Variants in PLEKHA5 observed in about 807,000 individuals in gnomAD.
PLEKHA5 encodes the protein pleckstrin homology domain-containing family A member 5.
Under a neutral mutation model 181.9 loss-of-function variants are expected in PLEKHA5, and 55 were observed. That is an observed-to-expected ratio of 0.30 (90% confidence interval 0.24 to 0.38). The LOEUF (loss-of-function observed/expected upper bound fraction) is 0.38, where lower values mean the gene tolerates loss of function less well. Ranked by LOEUF, PLEKHA5 falls within the 10% of genes least tolerant of loss-of-function variation. PLEKHA5 has a pLI of 1.00. For synonymous variants in PLEKHA5, 535 were observed against 529.4 expected, an observed-to-expected ratio of 1.01 and a Z score of -0.15; for missense variants, 1,432 against 1,549.5, an observed-to-expected ratio of 0.92 and a Z score of 1.27.
At chr12:19,305,230 T>C (rs2082872302) in intron 15 of PLEKHA5, among the ~76,000 whole-genome samples, 1 of 152,138 alleles carries the variant, frequency 6.6e-6, no homozygotes, top group South Asian at 2.1e-4. Context: ...TGTAATTACA[T>C]ATAATTCAGT....
chr12:19,277,851 C>G (rs1294077463), intron 11 of PLEKHA5, among the ~76,000 whole-genome samples: 1 of 152,172 alleles, frequency 6.6e-6, no homozygotes, highest in Non-Finnish European at 1.5e-5. Flanking sequence ...AAGTTTCATT[C>G]TGAGTGGCAG....
At chr12:19,363,114 C>CT (rs1269500204) in intron 29 of PLEKHA5, among the ~76,000 whole-genome samples, 6 of 91,368 alleles carry the variant, frequency 6.6e-5, no homozygotes, top group Non-Finnish European at 1.3e-4. Flanking sequence ...AGCTATATTT[C>CT]TTTTTTTGTT....
At chr12:19,334,417 A>T (rs2093151902) in intron 20 of PLEKHA5, among the ~76,000 whole-genome samples, 1 of 152,196 alleles carries the variant, frequency 6.6e-6, no homozygotes, top group Admixed American at 6.5e-5. Context: ...AAAGAGAAGG[A>T]TTCCTACCAT....
chr12:19,204,301 C>G (rs1411041823), intron 3 of PLEKHA5, among the ~76,000 whole-genome samples: 1 of 152,090 alleles, frequency 6.6e-6, no homozygotes, highest in Non-Finnish European at 1.5e-5. Context: ...CAGTGACTTG[C>G]TGTCGTGAGC....
chr12:19,316,451 C>T (rs1208840613), intron 16 of PLEKHA5, among the ~76,000 whole-genome samples: 1 of 152,004 alleles, frequency 6.6e-6, no homozygotes, highest in Non-Finnish European at 1.5e-5. Context: ...GTGAAGATGT[C>T]TGAGACTGGC....
intron 3 of PLEKHA5, among the ~76,000 whole-genome samples, chr12:19,198,514 G>A (rs973815829): frequency 1.6e-4 from 24 of 152,116 alleles, no homozygotes; most frequent in African/African-American, 5.6e-4. Context: ...ACTATCTCAT[G>A]TAGTCTTTTG....
chr12:19,207,932 AT>A (rs1592067259), intron 3 of PLEKHA5, among the ~76,000 whole-genome samples: 2 of 152,344 alleles, frequency 1.3e-5, no homozygotes, highest in East Asian at 1.9e-4. Context: ...TTAAAATGGC[AT>A]TTTTGAAAGC....
chr12:19,247,526 A>G (rs931772876), intron 3 of PLEKHA5, among the ~76,000 whole-genome samples: 9 of 152,212 alleles, frequency 5.9e-5, no homozygotes, highest in Admixed American at 5.9e-4. Context: ...ATGGAAATAT[A>G]TATACCATTT....
chr12:19,317,210 T>C (rs997721738), intron 16 of PLEKHA5, among the ~76,000 whole-genome samples: 3 of 151,982 alleles, frequency 2.0e-5, no homozygotes, highest in Non-Finnish European at 4.4e-5. Flanking sequence ...CTGCAAAATA[T>C]AAAAAAATTA....
intron 31 of PLEKHA5, among the ~76,000 whole-genome samples, chr12:19,374,143 C>T (rs935444778): frequency 1.3e-5 from 2 of 151,948 alleles, no homozygotes; most frequent in Admixed American, 1.3e-4. Flanking sequence ...AATGACACTA[C>T]GATGTAGGCA....
intron 3 of PLEKHA5, among the ~76,000 whole-genome samples, chr12:19,165,971 G>A (rs895536798): frequency 6.6e-6 from 1 of 152,064 alleles, no homozygotes; most frequent in South Asian, 2.1e-4. Context: ...ATTTTGTTAC[G>A]AGGTTGATGA....
chr12:19,131,642 C>T (rs2033881116), intron 2 of PLEKHA5, among the ~76,000 whole-genome samples: 1 of 151,710 alleles, frequency 6.6e-6, no homozygotes, highest in African/African-American at 2.4e-5. Context: ...ATTCACGCCA[C>T]AGAAAAATTT....
At chr12:19,263,163 A>G (rs912248864) in intron 7 of PLEKHA5, among the ~76,000 whole-genome samples, 2 of 149,380 alleles carry the variant, frequency 1.3e-5, no homozygotes, top group Admixed American at 1.3e-4. Flanking sequence ...TGAGATCATA[A>G]TAGCCTATAT....
At chr12:19,255,325 A>AT (rs2066569296) in intron 5 of PLEKHA5, among the ~76,000 whole-genome samples, 160 bp downstream of exon 5, 1 of 152,154 alleles carries the variant, frequency 6.6e-6, no homozygotes, top group Non-Finnish European at 1.5e-5. Context: ...AATACAAAGT[A>AT]ATAAGATTGT....
intron 31 of PLEKHA5, chr12:19,370,731 C>G (rs1184785401): frequency 6.6e-6 from 1 of 151,812 alleles, no homozygotes; most frequent in Non-Finnish European, 1.5e-5. Context: ...GAGATGTCCC[C>G]CATGCTGGAG....
rs759009863 is a variant in PLEKHA5, at chr12:19,358,189, T to G, written c.3139-39T>G. ...TTATTCCATCATACTTTTCAGAAGTTTTCATTTATGTATTGATATGTTCAT... is the reference window on the plus strand; with the variant it reads ...TTATTCCATCATACTTTTCAGAAGTGTTCATTTATGTATTGATATGTTCAT... On this transcript the variant is annotated intron_variant, in intron 26 of 31. Transcript: ENST00000429027. 6.6e-6 allele frequency: 9 copies of G among 1,368,972 alleles called. No individual in the cohort carries two copies. The East Asian group carries it at 6.9e-5, about 11-fold the overall frequency. The allele number at this position is 1,368,972 out of a possible 1,614,324, so 84.8% of individuals were successfully genotyped here.
intron 3 of PLEKHA5, chr12:19,205,463 T>G: frequency 1.4e-6 from 1 of 738,144 alleles, no homozygotes; most frequent in Non-Finnish European, 1.7e-6. Context: ...TTGGCTGTTT[T>G]GTTCTATTTT....
At chr12:19,215,297 T>C (rs1317482384) in intron 3 of PLEKHA5, among the ~76,000 whole-genome samples, 1 of 152,268 alleles carries the variant, frequency 6.6e-6, no homozygotes, top group African/African-American at 2.4e-5. Context: ...CAAAAGTTTT[T>C]TTTTAAATGT....
At chr12:19,239,096 A>G (rs2061958624) in intron 3 of PLEKHA5, among the ~76,000 whole-genome samples, 1 of 152,220 alleles carries the variant, frequency 6.6e-6, no homozygotes, top group African/African-American at 2.4e-5. Flanking sequence ...GGTAGACAGT[A>G]CAAAACGTTG....
Sources: allele counts gnomAD v4.1 joint callset (sites outside exome capture counted in the v4.1 genomes callset), GRCh38; gene constraint gnomAD v4.1.1; transcripts MANE v1.5; gene names NCBI Gene and HGNC (gene_info 2026-07-23, HGNC 2026-07-21).